The following PTPRD variants were observed in gnomAD, a reference collection of about 807,000 sequenced individuals.
The protein encoded by PTPRD is protein tyrosine phosphatase receptor type D.
In PTPRD, 34 loss-of-function variants were observed where a neutral mutation model predicts 214.5. The observed-to-expected ratio is 0.16, with a 90% CI of 0.12 to 0.21. PTPRD has a LOEUF of 0.21. Among genes scored for constraint, PTPRD ranks in the 10% least tolerant of loss-of-function variants. The pLI is 1.00. For synonymous variants in PTPRD, 1,128 were observed against 845.7 expected, an observed-to-expected ratio of 1.33 and a Z score of -5.79; for missense variants, 2,545 against 2,398.7, an observed-to-expected ratio of 1.06 and a Z score of -1.27.
At chr9:9,386,685 C>G (rs947122389) in intron 9 of PTPRD, among the ~76,000 whole-genome samples, 1 of 152,048 alleles carries the variant, frequency 6.6e-6, no homozygotes, top group Non-Finnish European at 1.5e-5. Context: ...AAAACCTTCA[C>G]ATGTACATAA....
At chr9:9,488,768 T>C (rs1048385170) in intron 8 of PTPRD, among the ~76,000 whole-genome samples, 1 of 152,124 alleles carries the variant, frequency 6.6e-6, no homozygotes, top group Non-Finnish European at 1.5e-5. Flanking sequence ...AGTTAATTTC[T>C]GATGAATTTC....
intron 3 of PTPRD, among the ~76,000 whole-genome samples, chr9:10,294,341 T>C (rs2095614060): frequency 6.6e-6 from 1 of 151,930 alleles, no homozygotes; most frequent in Admixed American, 6.6e-5. Context: ...ATATCTAATT[T>C]GGAAAAGGCA....
chr9:10,056,476 T>C (rs1567368069), intron 3 of PTPRD, among the ~76,000 whole-genome samples: 1 of 151,960 alleles, frequency 6.6e-6, no homozygotes, highest in Non-Finnish European at 1.5e-5. Flanking sequence ...AAGAAGTCAG[T>C]CTTTTTATTT....
rs1483495095 is a variant in PTPRD at position 8,948,469 on chromosome 9, A to ATATATATATATTTATATATATATT, written c.-104+70204_-104+70227dup. Among the ~76,000 whole-genome samples, 31 of 7,044 alleles carry ATATATATATATTTATATATATATT rather than the reference A, an allele frequency of 4.4e-3. 3 individuals carry two copies. Among genetic ancestry groups the ATATATATATATTTATATATATATT allele is most frequent in the African/African-American group, 0.011 (30 of 2,670 alleles). The allele number at this position is 7,044 out of a possible 152,430, so 4.6% of individuals were successfully genotyped here. On this transcript the variant is annotated intron_variant, in intron 11 of 45. Coordinates refer to ENST00000381196, the MANE Select transcript of PTPRD (RefSeq NM_002839.4). Reference sequence around the variant, plus strand: ...TATATATATTTATATATATATTTACATATATATATATTTATATATATATTT... The same window carrying ATATATATATATTTATATATATATT: ...TATATATATTTATATATATATTTACATATATATATATTTATATATATATTTATATATATATTTATATATATATTT...
rs376447989 is a variant in PTPRD at position 8,436,661 on chromosome 9, G to C, written c.4017C>G (p.Ile1339Met). The C allele has an allele frequency of 9.3e-6, 15 of 1,613,238 alleles. No homozygotes were observed. The highest frequency in any genetic ancestry group is 9.3e-6 in the Non-Finnish European group (11 of 1,179,652). ...PGMASHPPIP[I>M]LELADHIERL... ...TTTCAATGTGGTCTGCAAGTTCCAA[G>C]ATGGGTATTGGAGGATGGCTAGCCA... is the stretch of plus-strand genomic sequence containing the variant. Residue 1339 changes from isoleucine to methionine, a missense_variant, in exon 35 of 46, where the codon ATC becomes ATG. By Grantham distance (10) the Ile-to-Met change is conservative. Coordinates refer to ENST00000381196, the MANE Select transcript of PTPRD (RefSeq NM_002839.4).
intron 5 of PTPRD, among the ~76,000 whole-genome samples, chr9:9,897,262 A>T (rs1441771374): frequency 6.6e-6 from 1 of 152,092 alleles, no homozygotes; most frequent in Non-Finnish European, 1.5e-5. Flanking sequence ...TTTCAAGCAA[A>T]CAGTCCACAG....
intron 2 of PTPRD, among the ~76,000 whole-genome samples, chr9:10,372,537 G>A (rs552578039): frequency 2.6e-5 from 4 of 152,046 alleles, no homozygotes; most frequent in Admixed American, 2.6e-4. Flanking sequence ...TACTTTGTCT[G>A]CCATTAACAC....
intron 9 of PTPRD, among the ~76,000 whole-genome samples, chr9:9,259,538 T>C (rs1000899759): frequency 3.3e-5 from 5 of 152,034 alleles, no homozygotes; most frequent in East Asian, 3.9e-4. Flanking sequence ...CGGCCTGAAA[T>C]AGATGATGCT....
chr9:10,047,788 C>T (rs972278424), intron 3 of PTPRD, among the ~76,000 whole-genome samples: 1 of 152,130 alleles, frequency 6.6e-6, no homozygotes, highest in Non-Finnish European at 1.5e-5. Flanking sequence ...TTTAATTTGA[C>T]TCAGACATAA....
intron 3 of PTPRD, among the ~76,000 whole-genome samples, chr9:10,043,915 G>C (rs1028074243): frequency 1.3e-5 from 2 of 151,772 alleles, no homozygotes; most frequent in Admixed American, 6.6e-5. Context: ...TGTGAGAATT[G>C]TGATTTATAT....
At chr9:9,699,176 T>C (rs184840627) in intron 7 of PTPRD, among the ~76,000 whole-genome samples, 1 of 152,314 alleles carries the variant, frequency 6.6e-6, no homozygotes, top group Admixed American at 6.5e-5. Context: ...AATAACATAG[T>C]TCTGGTACTT....
intron 12 of PTPRD, among the ~76,000 whole-genome samples, chr9:8,640,379 G>T (rs936369716): frequency 6.6e-6 from 1 of 151,894 alleles, no homozygotes; most frequent in Non-Finnish European, 1.5e-5. Flanking sequence ...AAAAGAAAAA[G>T]AAATGACCAT....
At chr9:9,066,247 ACTT>A (rs1364610716) in intron 10 of PTPRD, among the ~76,000 whole-genome samples, 2 of 142,582 alleles carry the variant, frequency 1.4e-5, no homozygotes, top group Non-Finnish European at 3.1e-5. Flanking sequence ...GATCGGTGTT[ACTT>A]CTTATGTTTG....
At chr9:9,248,622 T>G (rs1296732111) in intron 9 of PTPRD, among the ~76,000 whole-genome samples, 2 of 152,056 alleles carry the variant, frequency 1.3e-5, no homozygotes. Flanking sequence ...TGTTCTGTGT[T>G]GAAAAGGAAT....
intron 12 of PTPRD, among the ~76,000 whole-genome samples, chr9:8,702,880 T>A (rs1414531693): frequency 6.6e-6 from 1 of 152,234 alleles, no homozygotes; most frequent in Non-Finnish European, 1.5e-5. Context: ...GTGCTGGGAT[T>A]ACAGGCGTGA....
chr9:8,677,984 G>A (rs1287175816), intron 12 of PTPRD, among the ~76,000 whole-genome samples: 1 of 152,172 alleles, frequency 6.6e-6, no homozygotes, highest in African/African-American at 2.4e-5. Context: ...GTGCAGGCCT[G>A]CAGGCTGCTT....
rs752910020 is a variant in PTPRD, at chr9:8,524,026, C to T, written c.680-502G>A. Reference sequence around the variant, plus strand: ...TTCTTTAATCCCACCCCCACCCATGCCTTTGTGGTTATTCACAGATATGTA... The same window carrying T: ...TTCTTTAATCCCACCCCCACCCATGTCTTTGTGGTTATTCACAGATATGTA... On this transcript the variant is annotated intron_variant, in intron 18 of 45. Coordinates refer to ENST00000381196, the MANE Select transcript of PTPRD (RefSeq NM_002839.4). 8.4e-4 allele frequency among the ~76,000 whole-genome samples: 128 copies of T among 151,594 alleles called. 1 individual carries two copies. The highest frequency in any genetic ancestry group is 5.3e-4 in the Admixed American group (8 of 15,184).
At chr9:10,531,474 T>C (rs1394911994) in intron 2 of PTPRD, among the ~76,000 whole-genome samples, 2 of 152,258 alleles carry the variant, frequency 1.3e-5, no homozygotes, top group African/African-American at 2.4e-5. Flanking sequence ...CTAATAAAAA[T>C]GGTAGCATAT....
At chr9:9,324,275 G>A (rs1283750066) in intron 9 of PTPRD, among the ~76,000 whole-genome samples, 6 of 152,048 alleles carry the variant, frequency 3.9e-5, no homozygotes, top group Non-Finnish European at 5.9e-5. Flanking sequence ...ACTGTCTTCC[G>A]CAGTGGTTGA....
Sources: gnomAD v4.1 joint callset for allele counts (sites outside exome capture counted in the v4.1 genomes callset) on GRCh38, gnomAD v4.1.1 for gene constraint, MANE v1.5 for transcripts, NCBI Gene and HGNC (gene_info 2026-07-23, HGNC 2026-07-21) for gene names.